Variants in CDHR2 observed in about 807,000 individuals in gnomAD.
CDHR2 encodes the protein cadherin-related family member 2.
CDHR2 carries 104 observed loss-of-function variants against 138.6 expected under a neutral mutation model. That is an observed-to-expected ratio of 0.75 (90% confidence interval 0.64 to 0.88). The LOEUF (loss-of-function observed/expected upper bound fraction) is 0.88, where lower values mean the gene tolerates loss of function less well. CDHR2 is among the 40% of genes least tolerant of loss of function. The pLI, the probability that CDHR2 is intolerant of heterozygous loss-of-function variation, is 0.00. For missense variants in CDHR2, 1,624 were observed against 1,727.6 expected (o/e 0.94, Z 1.06); for synonymous variants, 755 against 742.8 (o/e 1.02, Z -0.27).
intron 1 of CDHR2, among the ~76,000 whole-genome samples, chr5:176,554,784 C>T (rs1393141753): frequency 6.6e-6 from 1 of 152,208 alleles, no homozygotes; most frequent in Non-Finnish European, 1.5e-5. Context: ...CCTCAGCCTC[C>T]TGAGGATTAC....
chr5:176,548,929 C>T (rs898353277), upstream of CDHR2, among the ~76,000 whole-genome samples: 5 of 152,258 alleles, frequency 3.3e-5, 1 homozygote, highest in Middle Eastern at 6.8e-3. Flanking sequence ...GGTCTGGCCA[C>T]ACAGTGTTTG....
chr5:176,563,274 G>A lies in CDHR2; in HGVS notation c.-15-2064G>A, dbSNP rs572112958. On this transcript the variant is annotated intron_variant, in intron 1 of 31. Coordinates refer to ENST00000261944, the MANE Select transcript of CDHR2 (RefSeq NM_017675.6). Reference sequence around the variant, plus strand: ...GAGGCAGGAGAATCACTTGAACAATGGAGGCAGAGGTTGCAGTGAGCCGAG... The same window carrying A: ...GAGGCAGGAGAATCACTTGAACAATAGAGGCAGAGGTTGCAGTGAGCCGAG... Among the ~76,000 whole-genome samples the A allele has an allele frequency of 1.2e-4, 19 of 152,302 alleles. 2 individuals carry two copies. The highest frequency in any genetic ancestry group is 4.6e-4 in the African/African-American group (19 of 41,554).
intron 1 of CDHR2, among the ~76,000 whole-genome samples, chr5:176,558,458 A>G (rs1581131969): frequency 7.1e-6 from 1 of 140,258 alleles, no homozygotes; most frequent in Admixed American, 7.6e-5. Context: ...ATTTCGGCCC[A>G]CTGCAACCTC....
intron 3 of CDHR2, among the ~76,000 whole-genome samples, chr5:176,566,358 G>A (rs1758079351): frequency 6.6e-6 from 1 of 152,208 alleles, no homozygotes; most frequent in South Asian, 2.1e-4. Flanking sequence ...CAGCGGTGCA[G>A]GAACGAATGA....
intron 1 of CDHR2, 44 bp from the exon 2 acceptor site, chr5:176,565,294 G>A (rs1758053856): frequency 7.0e-7 from 1 of 1,434,936 alleles, no homozygotes; most frequent in Non-Finnish European, 9.8e-7. Context: ...GCCAAAAGGA[G>A]GGAGGCCTGA....
rs764349479 is a variant in CDHR2, at chr5:176,584,230, A to G, written c.2099A>G (p.Tyr700Cys). ...DNLPIFNQSSYNFTVKEEDPG... is the reference protein window; with the variant it reads ...DNLPIFNQSSCNFTVKEEDPG... ...CTGCCCATCTTCAATCAGTCCAGCT[A>G]CAACTTTACGGTGAAGGAGGAGGAT... Residue 700 changes from tyrosine to cysteine, a missense_variant, in exon 18 of 32, where the codon TAC becomes TGC. Around this residue, in one of 3 missense-constraint regions of CDHR2, gnomAD observed 1,061 missense variants for 1,136.6 expected, o/e 0.93. Coordinates refer to ENST00000261944, the MANE Select transcript of CDHR2 (RefSeq NM_017675.6). The G allele has an allele frequency of 1.9e-6, 3 of 1,614,132 alleles. No individual in the cohort carries two copies. Among genetic ancestry groups the G allele is most frequent in the East Asian group, 2.2e-5 (1 of 44,882 alleles).
intron 5 of CDHR2, 45 bp from the exon 6 acceptor site, chr5:176,571,168 T>TTTAAATCCTA: frequency 7.2e-7 from 1 of 1,388,712 alleles, no homozygotes; most frequent in Non-Finnish European, 1.0e-6. Context: ...TTTCTGGTGT[T>TTTAAATCCTA]TTAAATCCTA....
At chr5:176,564,398 G>A (rs557324075) in intron 1 of CDHR2, among the ~76,000 whole-genome samples, 5 of 152,234 alleles carry the variant, frequency 3.3e-5, no homozygotes, top group African/African-American at 1.2e-4. Context: ...ATGTTGGTCG[G>A]GCTGGTCTTG....
chr5:176,586,437 C>A (rs1358765768), intron 20 of CDHR2, among the ~76,000 whole-genome samples: 1 of 152,252 alleles, frequency 6.6e-6, no homozygotes, highest in Non-Finnish European at 1.5e-5. Flanking sequence ...CTCAAGTGAT[C>A]TGCTCGCCTT....
At chr5:176,590,001 T>C in intron 24 of CDHR2, 77 bp from the exon 25 acceptor site, 1 of 1,193,472 alleles carries the variant, frequency 8.4e-7, no homozygotes. Context: ...CATACAATTC[T>C]TAATCCCACT....
chr5:176,560,793 G>A (rs866872641), intron 1 of CDHR2, among the ~76,000 whole-genome samples: 1 of 152,218 alleles, frequency 6.6e-6, no homozygotes, highest in African/African-American at 2.4e-5. Context: ...AGGTGCTCAG[G>A]AAACGCCAGC....
At chr5:176,582,370 AT>A (rs1415797900) in intron 17 of CDHR2, among the ~76,000 whole-genome samples, 1 of 152,154 alleles carries the variant, frequency 6.6e-6, no homozygotes, top group Non-Finnish European at 1.5e-5. Flanking sequence ...AGTCTCACTT[AT>A]TGTCCAGGCC....
intron 3 of CDHR2, among the ~76,000 whole-genome samples, chr5:176,568,211 C>T (rs1449364826): frequency 2.0e-5 from 3 of 152,216 alleles, no homozygotes; most frequent in East Asian, 3.8e-4. Flanking sequence ...CAGCCTGCTG[C>T]TGTGCCCAGG....
chr5:176,550,966 G>GC (rs2113248586), intron 1 of CDHR2, among the ~76,000 whole-genome samples: 1 of 152,284 alleles, frequency 6.6e-6, no homozygotes, highest in African/African-American at 2.4e-5. Flanking sequence ...TGGCGTGGGG[G>GC]CCAGAGTCTC....
intron 31 of CDHR2, among the ~76,000 whole-genome samples, chr5:176,595,235 C>G (rs981343038): frequency 1.3e-5 from 2 of 152,188 alleles, no homozygotes; most frequent in Non-Finnish European, 2.9e-5. Context: ...GCACAGGACA[C>G]AGGGCCTGGC....
In CDHR2 at chr5:176,590,254, G is replaced by A; in HGVS notation, c.3277G>A (p.Ala1093Thr). ...CTCTTCAACTCTGTCCCGCTCCAGGGCCCGACCTCACTCCTACCTCGATGC... is the reference window on the plus strand; with the variant it reads ...CTCTTCAACTCTGTCCCGCTCCAGGACCCGACCTCACTCCTACCTCGATGC... ...DIQDIDSAAR[A>T]RPHSYLDAYF... The change falls in exon 26 of 32, where the codon GCC becomes ACC. Residue 1093 changes from alanine (A) to threonine (T), a missense_variant and splice_region_variant. This residue lies in a region of CDHR2 where 556 missense variants were observed against 565.7 expected (regional missense o/e 0.98). Transcript: ENST00000261944. 1 of 1,614,104 alleles carries A rather than the reference G, an allele frequency of 6.2e-7. No individual in the cohort carries two copies. The highest frequency in any genetic ancestry group is 1.1e-5 in the South Asian group (1 of 91,088).
At chr5:176,594,332 C>A (rs753284340) in intron 31 of CDHR2, among the ~76,000 whole-genome samples, 1 of 152,166 alleles carries the variant, frequency 6.6e-6, no homozygotes, top group South Asian at 2.1e-4. Context: ...GAGCTGTCTG[C>A]CCCCTGCTCT....
rs117255248 is a variant in CDHR2 at position 176,595,029 on chromosome 5, G to C, written c.3793-503G>C. Among the ~76,000 whole-genome samples, 68 of 152,314 alleles carry C rather than the reference G, an allele frequency of 4.5e-4. No individual in the cohort carries two copies. In the East Asian group the frequency reaches 0.011, roughly 25 times the overall value. ...AGTGTCACATCATGGACACGCTTTT[G>C]AACCAGCAAGACCAGTGGTCTGCCC... is the stretch of plus-strand genomic sequence containing the variant. On this transcript the variant is annotated intron_variant, in intron 31 of 31. Coordinates refer to ENST00000261944, the MANE Select transcript of CDHR2 (RefSeq NM_017675.6).
At chr5:176,592,675 G>A in intron 30 of CDHR2, 48 bp from the exon 31 acceptor site, 1 of 1,554,154 alleles carries the variant, frequency 6.4e-7, no homozygotes, top group Non-Finnish European at 8.9e-7. Flanking sequence ...GGCACAGTAA[G>A]GGAGGACTGG....
Sources: gnomAD v4.1 joint callset for allele counts (sites outside exome capture counted in the v4.1 genomes callset) on GRCh38, gnomAD v4.1.1 for gene constraint, gnomAD v4.1.1 regional missense constraint, MANE v1.5 for transcripts, NCBI Gene and HGNC (gene_info 2026-07-23, HGNC 2026-07-21) for gene names.